EPHB4: variants seen among roughly 807,000 people sequenced by gnomAD.
The protein encoded by EPHB4 is EPH receptor B4.
A neutral mutation model predicts 110.6 loss-of-function variants in EPHB4; 50 were observed. The observed-to-expected ratio is 0.45, with a 90% CI of 0.36 to 0.57. The LOEUF (loss-of-function observed/expected upper bound fraction) is 0.57, where lower values mean the gene tolerates loss of function less well. Among genes scored for constraint, EPHB4 ranks in the 20% least tolerant of loss-of-function variants. The pLI, the probability that EPHB4 is intolerant of heterozygous loss-of-function variation, is 0.00. For missense variants in EPHB4, 1,128 were observed against 1,382.1 expected, an observed-to-expected ratio of 0.82 and a Z score of 2.91; for synonymous variants, 592 against 578.4, an observed-to-expected ratio of 1.02 and a Z score of -0.34.
intron 8 of EPHB4, among the ~76,000 whole-genome samples, chr7:100,815,849 A>G (rs1813053790): frequency 6.6e-6 from 1 of 152,142 alleles, no homozygotes; most frequent in Non-Finnish European, 1.5e-5. Flanking sequence ...TTAGTTGAGC[A>G]CGGTAGCACA....
intron 13 of EPHB4, among the ~76,000 whole-genome samples, chr7:100,807,137 A>AT (rs1424917060): frequency 6.6e-6 from 1 of 151,776 alleles, no homozygotes; most frequent in Non-Finnish European, 1.5e-5. Context: ...TAATCTTTTA[A>AT]TTTTTTTGTA....
chr7:100,808,856 G>A (rs80161092), intron 12 of EPHB4, among the ~76,000 whole-genome samples: 2,387 of 152,144 alleles, frequency 0.016, 53 homozygotes, highest in African/African-American at 0.055. Context: ...CCTACTCCCC[G>A]CTCAGTTTGT....
chr7:100,820,228 G>A lies in EPHB4; in HGVS notation c.877C>T (p.His293Tyr). 6.2e-7 allele frequency: 1 copy of A among 1,614,132 alleles called. No homozygotes were observed. Among genetic ancestry groups the A allele is most frequent in the Non-Finnish European group, 8.5e-7 (1 of 1,180,004 alleles). The change falls in exon 5 of 17, where the codon CAC becomes TAC. Residue 293 changes from histidine (H) to tyrosine (Y), a missense_variant. Around this residue, in one of 3 missense-constraint regions of EPHB4, gnomAD observed 728 missense variants for 828.6 expected, o/e 0.88. Coordinates refer to ENST00000358173, the MANE Select transcript of EPHB4 (RefSeq NM_004444.5). Reference sequence around the variant, plus strand: ...ACGGCTGATCCAATGGTGTTAGAGTGGCTATTGGCTGGGCATGGCTGGCAG... The same window carrying A: ...ACGGCTGATCCAATGGTGTTAGAGTAGCTATTGGCTGGGCATGGCTGGCAG... ...GSCQPCPANS[H>Y]SNTIGSAVCQ... is the part of the protein sequence containing the mutation.
rs1347586938 is a variant in EPHB4, at chr7:100,823,493, C to A, written c.411+151G>T. ...TCTGCTCCTCCGCCCAGAAGATCACCCCCTTCCCTCCCCAGACCTAAGCCT... is the reference window on the plus strand; with the variant it reads ...TCTGCTCCTCCGCCCAGAAGATCACACCCTTCCCTCCCCAGACCTAAGCCT... On this transcript the variant is annotated intron_variant, in intron 3 of 16. Coordinates refer to ENST00000358173, the MANE Select transcript of EPHB4 (RefSeq NM_004444.5). 12 of 1,070,372 alleles carry A rather than the reference C, an allele frequency of 1.1e-5. No individual in the cohort carries two copies. The East Asian group carries it at 3.1e-4, about 28-fold the overall frequency. 66.3% of individuals were successfully genotyped at this position (1,070,372 alleles called of 1,614,324 possible).
At chr7:100,826,478 G>A (rs1378165393) in intron 1 of EPHB4, among the ~76,000 whole-genome samples, 1 of 152,078 alleles carries the variant, frequency 6.6e-6, no homozygotes, top group African/African-American at 2.4e-5. Context: ...ATGCAAAGGA[G>A]GCCATCCTGT....
At chr7:100,821,931 C>T (rs945036124) in intron 4 of EPHB4, among the ~76,000 whole-genome samples, 7 of 152,066 alleles carry the variant, frequency 4.6e-5, no homozygotes, top group East Asian at 1.9e-4. Context: ...GAGGCCGAGG[C>T]GGGCAAATCA....
chr7:100,820,367 A>C, intron 4 of EPHB4, 71 bp from the exon 5 acceptor site: 130 of 1,521,924 alleles, frequency 8.5e-5, no homozygotes, highest in Non-Finnish European at 1.1e-4. Context: ...TCGGTGGCTC[A>C]TGCCTCGAAT....
At chr7:100,814,066 T>A (rs28444497) in intron 8 of EPHB4, 45 bp from the exon 9 acceptor site, 1 of 1,602,970 alleles carries the variant, frequency 6.2e-7, no homozygotes, top group African/African-American at 1.3e-5. Flanking sequence ...GATGGTCCTG[T>A]AGGAGGCCCC....
At position 100,823,633 on chromosome 7, in the gene EPHB4, C is replaced by CA. The variant is rs770443713; in HGVS notation, c.411+10dup. On this transcript the variant is annotated intron_variant, in intron 3 of 16. Transcript: ENST00000358173. ...CTTGGCTGTGGCTGAGCCCTGGGGGCACCCAGGTACCTTGATGTAGGGGTT... is the reference window on the plus strand; with the variant it reads ...CTTGGCTGTGGCTGAGCCCTGGGGGCAACCCAGGTACCTTGATGTAGGGGTT... 9 of 1,608,698 alleles carry CA rather than the reference C, an allele frequency of 5.6e-6. No homozygotes were observed. In the South Asian group the frequency reaches 8.8e-5, roughly 16 times the overall value.
rs1177856021 is a variant in EPHB4 at position 100,812,804 on chromosome 7, C to A, written c.2061G>T (p.Met687Ile). The change falls in exon 12 of 17, where the codon ATG becomes ATT. Residue 687 changes from methionine (M) to isoleucine (I), a missense_variant. Transcript: ENST00000358173. ...IRLEGVVTNS[M>I]PVMILTEFME... is the part of the protein sequence containing the mutation. Reference sequence around the variant, plus strand: ...TGAACTCTGTGAGAATCATGACGGGCATGCTGTTGGTGACCACGCCCTCCA... The same window carrying A: ...TGAACTCTGTGAGAATCATGACGGGAATGCTGTTGGTGACCACGCCCTCCA... 6.2e-7 allele frequency: 1 copy of A among 1,614,180 alleles called. No homozygotes were observed. Among genetic ancestry groups the A allele is most frequent in the South Asian group, 1.1e-5 (1 of 91,090 alleles).
chr7:100,804,308 C>CTTTTT (rs11338293), intron 16 of EPHB4, among the ~76,000 whole-genome samples: 431 of 71,504 alleles, frequency 6.0e-3, no homozygotes, highest in Non-Finnish European at 7.3e-3. Context: ...CTTCACATTT[C>CTTTTT]TTTTTTTTTT....
chr7:100,817,492 G>A (rs544055645), intron 7 of EPHB4, 135 bp from the exon 8 acceptor site: 32 of 937,504 alleles, frequency 3.4e-5, no homozygotes, highest in Admixed American at 3.2e-4. Context: ...GAGAACTTAC[G>A]CATGCAAGCC....
At chr7:100,806,398 G>A in intron 14 of EPHB4, 22 bp downstream of exon 14, 1 of 1,603,470 alleles carries the variant, frequency 6.2e-7, no homozygotes, top group Non-Finnish European at 8.5e-7. Context: ...AGGAAAGCTT[G>A]GTAGGACCAC....
At chr7:100,808,859 C>T (rs1812870093) in intron 12 of EPHB4, among the ~76,000 whole-genome samples, 1 of 152,200 alleles carries the variant, frequency 6.6e-6, no homozygotes, top group African/African-American at 2.4e-5. Context: ...ACTCCCCGCT[C>T]AGTTTGTGGC....
intron 10 of EPHB4, 181 bp from the exon 11 acceptor site, chr7:100,813,389 C>T (rs901669587): frequency 4.8e-6 from 3 of 625,696 alleles, no homozygotes; most frequent in Non-Finnish European, 8.0e-6. Context: ...GATCTTGGCT[C>T]ACTGCAATCT....
At chr7:100,823,253 C>T (rs1396171350) in intron 3 of EPHB4, among the ~76,000 whole-genome samples, 1 of 152,104 alleles carries the variant, frequency 6.6e-6, no homozygotes, top group African/African-American at 2.4e-5. Context: ...GGAGCTGGAA[C>T]TCCGAAGACA....
intron 13 of EPHB4, among the ~76,000 whole-genome samples, 165 bp downstream of exon 13, chr7:100,807,200 C>T (rs1378477565): frequency 6.6e-6 from 1 of 152,128 alleles, no homozygotes; most frequent in Non-Finnish European, 1.5e-5. Context: ...TTTTCCTAGA[C>T]ATCTGGAAGT....
Position 100,819,634 on chromosome 7 carries a change from G to C in EPHB4, c.1220C>G (p.Thr407Ser). 1 of 1,610,092 alleles carries C rather than the reference G, an allele frequency of 6.2e-7. No individual in the cohort carries two copies. The highest frequency in any genetic ancestry group is 8.5e-7 in the Non-Finnish European group (1 of 1,176,824). The change falls in exon 6 of 17, where the codon ACT (threonine) becomes AGT (serine). Residue 407 changes from threonine to serine, a missense_variant. Coordinates refer to ENST00000358173, the MANE Select transcript of EPHB4 (RefSeq NM_004444.5). Reference protein sequence around the residue: ...RPDFTYTFEVTALNGVSSLAT... With the variant: ...RPDFTYTFEVSALNGVSSLAT... ...TAAGGAGGATACCCCGTTCAATGCA[G>C]TGACCTCAAAGGTATAGGTGAAGTC...
intron 10 of EPHB4, 100 bp from the exon 11 acceptor site, chr7:100,813,308 T>TTTG: frequency 2.1e-6 from 1 of 465,314 alleles, no homozygotes; most frequent in Non-Finnish European, 3.4e-6. Context: ...TCTCCGTGGT[T>TTTG]TTTTTTTTTT....
Sources: gnomAD v4.1 joint callset for allele counts (sites outside exome capture counted in the v4.1 genomes callset) on GRCh38, gnomAD v4.1.1 for gene constraint, gnomAD v4.1.1 regional missense constraint, MANE v1.5 for transcripts, NCBI Gene and HGNC (gene_info 2026-07-23, HGNC 2026-07-21) for gene names.